Variants in PCBP3 observed in about 807,000 individuals in gnomAD.
PCBP3 encodes poly(rC)-binding protein 3.
PCBP3 carries 25 observed loss-of-function variants against 52.7 expected under a neutral mutation model. The observed-to-expected ratio is 0.47, with a 90% confidence interval of 0.35 to 0.66. The LOEUF (loss-of-function observed/expected upper bound fraction) is 0.66. PCBP3 is among the 30% of genes least tolerant of loss of function. PCBP3 has a pLI of 0.01. For missense variants in PCBP3, 391 were observed against 490.3 expected, an observed-to-expected ratio of 0.80 and a Z score of 1.91; for synonymous variants, 162 against 183.0, an observed-to-expected ratio of 0.89 and a Z score of 0.93.
At chr21:45,894,681 G>A (rs752700265) in intron 5 of PCBP3, among the ~76,000 whole-genome samples, 1 of 152,212 alleles carries the variant, frequency 6.6e-6, no homozygotes. Context: ...CCCAGTAGCT[G>A]CCGCCGCCCA....
At chr21:45,888,262 C>T (rs1416585019) in intron 5 of PCBP3, among the ~76,000 whole-genome samples, 1 of 152,232 alleles carries the variant, frequency 6.6e-6, no homozygotes, top group African/African-American at 2.4e-5. Context: ...ACCTTGCTTA[C>T]CTGTTTTTCT....
intron 2 of PCBP3, among the ~76,000 whole-genome samples, chr21:45,694,613 CAT>C (rs763834673): frequency 6.6e-6 from 1 of 152,142 alleles, no homozygotes. Context: ...AATACACAAT[CAT>C]AGTTGAAAAC....
At chr21:45,908,658 C>T (rs1022422139) in intron 9 of PCBP3, among the ~76,000 whole-genome samples, 2 of 150,922 alleles carry the variant, frequency 1.3e-5, no homozygotes, top group Admixed American at 6.6e-5. Context: ...GCCTCTGCCG[C>T]GCTGTCTGCC....
At chr21:45,936,394 C>T (rs1332529371) in intron 16 of PCBP3, among the ~76,000 whole-genome samples, 1 of 152,204 alleles carries the variant, frequency 6.6e-6, no homozygotes, top group African/African-American at 2.4e-5. Flanking sequence ...CACAGAGTCC[C>T]CATGTCTGCT....
Position 45,915,169 on chromosome 21 carries a change from C to T in PCBP3, c.675+1144C>T, listed in dbSNP as rs1025806628. The T allele has an allele frequency of 4.6e-5, 7 of 152,374 alleles. No homozygotes were observed. The East Asian group carries it at 1.4e-3, about 30-fold the overall frequency. The allele number at this position is 152,374 out of a possible 1,614,324, so 9.4% of individuals were successfully genotyped here. ...GGGAGCCCCCACATGCACATGCCATCCTTACAGCAGCCCCAGGGCATGGCA... is the reference window on the plus strand; with the variant it reads ...GGGAGCCCCCACATGCACATGCCATTCTTACAGCAGCCCCAGGGCATGGCA... On this transcript the variant is annotated intron_variant, in intron 12 of 17. Coordinates refer to ENST00000681687, the MANE Select transcript of PCBP3 (RefSeq NM_001384156.1).
At chr21:45,770,463 C>T (rs1312264109) in intron 4 of PCBP3, among the ~76,000 whole-genome samples, 1 of 152,146 alleles carries the variant, frequency 6.6e-6, no homozygotes, top group Non-Finnish European at 1.5e-5. Flanking sequence ...AACATGCATT[C>T]TTCTACCTTC....
At position 45,834,488 on chromosome 21, in the gene PCBP3, C is replaced by T. The variant is rs563103253; in HGVS notation, c.-125-15473C>T. Among the ~76,000 whole-genome samples, 8 of 152,328 alleles carry T rather than the reference C, an allele frequency of 5.3e-5. No homozygotes were observed. The South Asian group carries it at 1.0e-3, about 20-fold the overall frequency. ...CTTTGGGAGGGGCCAGCTGCCTCCTCGCCACTGCCCAGCATAGCTTGTCCC... is the reference window on the plus strand; with the variant it reads ...CTTTGGGAGGGGCCAGCTGCCTCCTTGCCACTGCCCAGCATAGCTTGTCCC... On this transcript the variant is annotated intron_variant, in intron 4 of 17. Transcript: ENST00000681687.
chr21:45,827,971 T>G lies in PCBP3; in HGVS notation c.-125-21990T>G, dbSNP rs1043911472. 6.6e-6 allele frequency: 1 copy of G among 152,258 alleles called. No individual in the cohort carries two copies. Among genetic ancestry groups the G allele is most frequent in the Non-Finnish European group, 1.5e-5 (1 of 68,118 alleles). The allele number at this position is 152,258 out of a possible 1,614,324, so 9.4% of individuals were successfully genotyped here. ...TCCTCAGATGCCAGTGGCTGATACA[T>G]AGACAAGTTTATTTCCTGTTCACCT... On this transcript the variant is annotated intron_variant, in intron 4 of 17. Transcript: ENST00000681687. This position sits in a 1 kb window ranked among gnomAD's most constrained non-coding sequence, Gnocchi z 4.3.
chr21:45,935,224 G>T (rs1290462195), intron 15 of PCBP3, 29 bp from the exon 16 acceptor site: 1 of 1,576,484 alleles, frequency 6.3e-7, no homozygotes, highest in East Asian at 2.2e-5. Flanking sequence ...CCTTCCACCA[G>T]CCTAACCATG....
rs118096843 is a variant in PCBP3, at chr21:45,783,233, T to G, written c.-126+27781T>G. Among the ~76,000 whole-genome samples the G allele has an allele frequency of 1.2e-3, 180 of 152,370 alleles. 3 individuals are homozygous for G. The East Asian group carries it at 0.029, about 25-fold the overall frequency. ...CGTCACTAATGAGGCTGAGCATCTT[T>G]CCATGTGCGATTGGCCATTTGGAGC... is the stretch of plus-strand genomic sequence containing the variant. On this transcript the variant is annotated intron_variant, in intron 4 of 17. Transcript: ENST00000681687.
intron 2 of PCBP3, among the ~76,000 whole-genome samples, chr21:45,698,485 G>A (rs890644188): frequency 1.3e-5 from 2 of 152,238 alleles, no homozygotes; most frequent in Admixed American, 6.5e-5. Context: ...GCCTAGCAGG[G>A]CTCTCTTGGG....
intron 5 of PCBP3, chr21:45,893,996 A>C: frequency 1.0e-6 from 1 of 985,572 alleles, no homozygotes; most frequent in Non-Finnish European, 1.2e-6. Flanking sequence ...AGGCCAGGGC[A>C]CTTTGCAGAC....
intron 9 of PCBP3, among the ~76,000 whole-genome samples, chr21:45,901,762 C>CAG (rs67655040): frequency 1.7e-5 from 2 of 114,538 alleles, no homozygotes; most frequent in Non-Finnish European, 3.4e-5. Flanking sequence ...GAGACAGAGA[C>CAG]AGAGAGAGAG....
rs1326862500 is a variant in PCBP3, at chr21:45,880,001, A to G, written c.11-16207A>G. 6.6e-6 allele frequency among the ~76,000 whole-genome samples: 1 copy of G among 152,188 alleles called. No homozygotes were observed. The highest frequency in any genetic ancestry group is 1.5e-5 in the Non-Finnish European group (1 of 68,050). On this transcript the variant is annotated intron_variant, in intron 5 of 17. Transcript: ENST00000681687. The surrounding 1 kb of genome is among the most constrained non-coding windows in gnomAD (Gnocchi z 5.4). ...TCTTCACATTGGAGTAGTTCAAATA[A>G]AGGAAGGACAGAAACAATCATGGGT...
At chr21:45,740,774 T>C (rs947206058) in intron 3 of PCBP3, among the ~76,000 whole-genome samples, 1 of 152,092 alleles carries the variant, frequency 6.6e-6, no homozygotes, top group Non-Finnish European at 1.5e-5. Context: ...GTGTGTGTGG[T>C]ATGTGTGCAT....
intron 15 of PCBP3, among the ~76,000 whole-genome samples, chr21:45,932,062 G>C (rs954737378): frequency 6.6e-6 from 1 of 151,896 alleles, no homozygotes; most frequent in African/African-American, 2.4e-5. Flanking sequence ...GCTGTCCTGA[G>C]ATGAATGAAC....
chr21:45,768,498 G>A (rs2089570460), intron 4 of PCBP3, among the ~76,000 whole-genome samples: 1 of 152,226 alleles, frequency 6.6e-6, no homozygotes, highest in South Asian at 2.1e-4. Context: ...TTTGAGGGGA[G>A]ATGTATTCAC....
intron 1 of PCBP3, among the ~76,000 whole-genome samples, chr21:45,646,107 C>CTCTCTCTCTGTGTG (rs1555895746): frequency 1.2e-4 from 10 of 83,784 alleles, no homozygotes; most frequent in Non-Finnish European, 1.8e-4. Flanking sequence ...CTCTCTCTCT[C>CTCTCTCTCTGTGTG]TGTGTGTGTG....
At chr21:45,935,824 G>A (rs2076835888) in intron 16 of PCBP3, among the ~76,000 whole-genome samples, 1 of 152,238 alleles carries the variant, frequency 6.6e-6, no homozygotes, top group Admixed American at 6.5e-5. Flanking sequence ...CATACCTGAG[G>A]GTGTGGCCTT....
Sources: gnomAD v4.1 joint callset for allele counts (sites outside exome capture counted in the v4.1 genomes callset) on GRCh38, gnomAD v4.1.1 for gene constraint, Gnocchi (gnomAD v3.1) non-coding constraint, MANE v1.5 for transcripts, NCBI Gene and HGNC (gene_info 2026-07-23, HGNC 2026-07-21) for gene names.